The following NFAT5 variants were observed in gnomAD, a reference collection of about 807,000 sequenced individuals.
NFAT5 encodes nuclear factor of activated T cells 5, also known as nuclear factor of activated T-cells 5.
NFAT5 carries 31 observed loss-of-function variants against 166.5 expected under a neutral mutation model. The ratio of observed to expected loss-of-function variants is 0.19; its 90% confidence interval spans 0.14 to 0.25. The LOEUF is 0.25. NFAT5 is among the 10% of genes least tolerant of loss of function. The pLI is 1.00. For missense variants in NFAT5, 1,449 were observed against 1,821.8 expected, an observed-to-expected ratio of 0.80 and a Z score of 3.72; for synonymous variants, 612 against 639.7, an observed-to-expected ratio of 0.96 and a Z score of 0.65.
intron 12 of NFAT5, among the ~76,000 whole-genome samples, chr16:69,691,352 T>G (rs552980251): frequency 1.3e-5 from 2 of 152,310 alleles, no homozygotes; most frequent in South Asian, 4.2e-4. Context: ...TCCCAGTCTT[T>G]TCCCATAACT....
chr16:69,667,250 C>A (rs922698143), intron 7 of NFAT5, among the ~76,000 whole-genome samples: 6 of 150,936 alleles, frequency 4.0e-5, no homozygotes, highest in South Asian at 2.1e-4. Flanking sequence ...TGCAGCACAC[C>A]AGCATGGCAC....
intron 2 of NFAT5, among the ~76,000 whole-genome samples, chr16:69,598,885 G>A (rs147391827): frequency 0.012 from 1,748 of 151,938 alleles, 23 homozygotes; most frequent in African/African-American, 0.037. Flanking sequence ...GCGATGGTGC[G>A]TGCCTGTAAT....
At chr16:69,607,396 A>G (rs917945669) in intron 2 of NFAT5, among the ~76,000 whole-genome samples, 5 of 152,224 alleles carry the variant, frequency 3.3e-5, no homozygotes, top group Admixed American at 2.6e-4. Context: ...AATGCAAAAA[A>G]AGAGAGATTA....
rs1407880236 is a variant in NFAT5 at position 69,704,222 on chromosome 16, G to C, written c.*7871G>C. On this transcript the variant is annotated 3_prime_UTR_variant, in exon 15 of 15. Transcript: ENST00000349945. ...CCTTTTAATTGATAAGCTCCAAGTA[G>C]TTGCTAATTTTTTGACAACTTTAAA... 6.6e-6 allele frequency: 1 copy of C among 152,578 alleles called. No individual in the cohort carries two copies. The highest frequency in any genetic ancestry group is 1.5e-5 in the Non-Finnish European group (1 of 68,030). 9.5% of individuals were successfully genotyped at this position (152,578 alleles called of 1,614,324 possible).
chr16:69,622,642 T>A (rs767692990), intron 2 of NFAT5, among the ~76,000 whole-genome samples: 3 of 152,194 alleles, frequency 2.0e-5, no homozygotes, highest in Non-Finnish European at 4.4e-5. Context: ...CACAAAGTTT[T>A]GCTTTGATTT....
At chr16:69,666,755 T>C (rs1361252353) in intron 7 of NFAT5, among the ~76,000 whole-genome samples, 1 of 151,756 alleles carries the variant, frequency 6.6e-6, no homozygotes, top group Admixed American at 6.6e-5. Context: ...ATTGTGGAAG[T>C]CAGTGTGGCG....
rs200798665 is a variant in NFAT5 at position 69,658,851 on chromosome 16, TA to T, written c.1197-870del. Among the ~76,000 whole-genome samples, 1,167 of 152,146 alleles carry T rather than the reference TA, an allele frequency of 7.7e-3. 14 individuals are homozygous for T. The highest frequency in any genetic ancestry group is 0.026 in the African/African-American group (1,060 of 41,534). On this transcript the variant is annotated intron_variant, in intron 6 of 14. Coordinates refer to ENST00000349945, the MANE Select transcript of NFAT5 (RefSeq NM_138713.4). ...CAAAAAAATAAAATAAAAATATAAA[TA>T]AAAAACAACTTCCTGGAAATAACCG...
At position 69,692,239 on chromosome 16, in the gene NFAT5, C is replaced by G; in HGVS notation, c.2414C>G (p.Thr805Ser). The part of the protein sequence containing the change: ...QLQAGSFTGS[T>S]ASGSSGSVDL... ...CAAGCAGGGAGTTTCACAGGCAGTA[C>G]TGCTAGTGGCAGCAGTGGAAGTGTT... Residue 805 changes from threonine (T) to serine (S), a missense_variant, in exon 13 of 15, where the codon ACT (threonine) becomes AGT (serine). By Grantham distance (58) the Thr-to-Ser change is moderately conservative. Transcript: ENST00000349945. 6.2e-7 allele frequency: 1 copy of G among 1,614,178 alleles called. No individual in the cohort carries two copies. Among genetic ancestry groups the G allele is most frequent in the Non-Finnish European group, 8.5e-7 (1 of 1,180,036 alleles).
At chr16:69,678,243 C>T (rs187099385) in intron 10 of NFAT5, among the ~76,000 whole-genome samples, 180 of 151,054 alleles carry the variant, frequency 1.2e-3, no homozygotes, top group Non-Finnish European at 1.9e-3. Context: ...GAGACGGAGT[C>T]TCGCTGTGTC....
At chr16:69,626,316 G>A (rs2034457592) in intron 2 of NFAT5, 87 bp from the exon 3 acceptor site, 2 of 1,238,286 alleles carry the variant, frequency 1.6e-6, no homozygotes, top group Non-Finnish European at 1.1e-6. Flanking sequence ...CCTCATGAGA[G>A]AAAAGACATA....
rs554522425 is a variant in NFAT5 at position 69,697,525 on chromosome 16, A to G, written c.*1174A>G. 45 of 152,702 alleles carry G rather than the reference A, an allele frequency of 2.9e-4. No homozygotes were observed. Among genetic ancestry groups the G allele is most frequent in the African/African-American group, 1.0e-3 (42 of 41,564 alleles). The allele number at this position is 152,702 out of a possible 1,614,324, so 9.5% of individuals were successfully genotyped here. Reference sequence around the variant, plus strand: ...TCTCCCTGATCTGCAGTGAGTATAAATTCACTTGTCACCTCAGTGCTTTAC... The same window carrying G: ...TCTCCCTGATCTGCAGTGAGTATAAGTTCACTTGTCACCTCAGTGCTTTAC... On this transcript the variant is annotated 3_prime_UTR_variant, in exon 15 of 15. Coordinates refer to ENST00000349945, the MANE Select transcript of NFAT5 (RefSeq NM_138713.4).
At chr16:69,602,562 C>G (rs564880574) in intron 2 of NFAT5, among the ~76,000 whole-genome samples, 25 of 150,024 alleles carry the variant, frequency 1.7e-4, no homozygotes, top group Admixed American at 3.3e-4. Context: ...CCACCGTGCC[C>G]AGACTTTTTC....
chr16:69,622,268 A>G (rs746377602), intron 2 of NFAT5, among the ~76,000 whole-genome samples: 1 of 152,224 alleles, frequency 6.6e-6, no homozygotes, highest in Non-Finnish European at 1.5e-5. Context: ...TTAAAGTAGC[A>G]GAACCAAACC....
chr16:69,642,183 T>C (rs2361838), intron 3 of NFAT5, among the ~76,000 whole-genome samples: 39,349 of 152,134 alleles, frequency 0.26, 5,545 homozygotes, highest in East Asian at 0.45. Flanking sequence ...GATATTCATA[T>C]TCCATGTAGA....
At chr16:69,625,993 C>T (rs2034440305) in intron 2 of NFAT5, among the ~76,000 whole-genome samples, 2 of 149,704 alleles carry the variant, frequency 1.3e-5, no homozygotes, top group Non-Finnish European at 3.0e-5. Context: ...AGGGTCTCAC[C>T]CAGGCTGGAG....
At position 69,566,779 on chromosome 16, in the gene NFAT5, G is replaced by A. The variant is rs1013276710; in HGVS notation, c.73+405G>A. ...TCGGGGCGCCGCGTCTTCTCTTACC[G>A]GGACCCTCCTCCCCAGCAAAGTTGC... On this transcript the variant is annotated intron_variant, in intron 1 of 14. Coordinates refer to ENST00000349945, the MANE Select transcript of NFAT5 (RefSeq NM_138713.4). This position sits in a 1 kb window ranked among gnomAD's most constrained non-coding sequence, Gnocchi z 5.7. Among the ~76,000 whole-genome samples the A allele has an allele frequency of 3.3e-5, 5 of 152,116 alleles. No individual in the cohort carries two copies. The East Asian group carries it at 9.7e-4, about 29-fold the overall frequency.
Position 69,647,605 on chromosome 16 carries a change from T to A in NFAT5, c.812+19T>A, listed in dbSNP as rs201212691. 2.1e-3 allele frequency: 3,251 copies of A among 1,529,526 alleles called. 7 individuals are homozygous for A. Among genetic ancestry groups the A allele is most frequent in the South Asian group, 4.3e-3 (343 of 80,542 alleles). 94.7% of individuals were successfully genotyped at this position (1,529,526 alleles called of 1,614,324 possible). ...GAAATGGGTTGGTATTCACATTTTT[T>A]AAAATTCTATCATCATTATGCAAAA... On this transcript the variant is annotated intron_variant, in intron 4 of 14. Coordinates refer to ENST00000349945, the MANE Select transcript of NFAT5 (RefSeq NM_138713.4). This position sits in a 1 kb window ranked among gnomAD's most constrained non-coding sequence, Gnocchi z 4.8.
intron 4 of NFAT5, among the ~76,000 whole-genome samples, chr16:69,652,282 T>C (rs2035701781): frequency 6.6e-6 from 1 of 151,820 alleles, no homozygotes; most frequent in East Asian, 1.9e-4. Context: ...TGAAACCCCA[T>C]CTCTAACAAA....
At chr16:69,684,800 GACAAGAT>G in intron 10 of NFAT5, 80 bp from the exon 11 acceptor site, 1 of 810,646 alleles carries the variant, frequency 1.2e-6, no homozygotes, top group Non-Finnish European at 1.9e-6. Context: ...GATACTTTGT[GACAAGAT>G]ATTCTAATTA....
Sources: gnomAD v4.1 joint callset for allele counts (sites outside exome capture counted in the v4.1 genomes callset) on GRCh38, gnomAD v4.1.1 for gene constraint, Gnocchi (gnomAD v3.1) non-coding constraint, MANE v1.5 for transcripts, NCBI Gene and HGNC (gene_info 2026-07-23, HGNC 2026-07-21) for gene names.